The following MYT1L variants were observed in gnomAD, a reference collection of about 807,000 sequenced individuals.
MYT1L encodes myelin transcription factor 1 like.
In MYT1L, 12 loss-of-function variants were observed where a neutral mutation model predicts 126.7. That is an observed-to-expected ratio of 0.09 (90% CI 0.06 to 0.15). The LOEUF (loss-of-function observed/expected upper bound fraction) is 0.15. Ranked by LOEUF, MYT1L falls within the 10% of genes least tolerant of loss-of-function variation. The pLI is 1.00. For missense variants in MYT1L, 979 were observed against 1,585.2 expected (o/e 0.62, Z 6.49); for synonymous variants, 541 against 604.2 (o/e 0.90, Z 1.53).
At chr2:2,233,089 G>A (rs2094198697) in intron 2 of MYT1L, among the ~76,000 whole-genome samples, 1 of 152,228 alleles carries the variant, frequency 6.6e-6, no homozygotes, top group African/African-American at 2.4e-5. Context: ...TTCCCTGAAG[G>A]TAGCAGGTGC....
At chr2:1,864,019 GC>G (rs1231732232) in intron 18 of MYT1L, among the ~76,000 whole-genome samples, 1 of 152,202 alleles carries the variant, frequency 6.6e-6, no homozygotes, top group Non-Finnish European at 1.5e-5. Context: ...TCACAAGGTG[GC>G]TGGATGGGCG....
intron 2 of MYT1L, among the ~76,000 whole-genome samples, chr2:2,221,323 C>A (rs769931570): frequency 2.6e-5 from 4 of 152,126 alleles, no homozygotes; most frequent in Admixed American, 6.5e-5. Flanking sequence ...TGAGTCTGTG[C>A]ACCTCTTGGA....
chr2:2,070,075 G>A (rs1158570863), intron 3 of MYT1L, among the ~76,000 whole-genome samples: 2 of 151,384 alleles, frequency 1.3e-5, no homozygotes, highest in African/African-American at 4.9e-5. Flanking sequence ...AAATATATTC[G>A]GTTTTTATTT....
chr2:1,920,424 C>T lies in MYT1L; in HGVS notation c.1483+1862G>A, dbSNP rs530033789. Among the ~76,000 whole-genome samples, 15 of 152,344 alleles carry T rather than the reference C, an allele frequency of 9.8e-5. No individual in the cohort carries two copies. The South Asian group carries it at 3.1e-3, about 32-fold the overall frequency. Reference sequence around the variant, plus strand: ...ATTTGCAAAAAGCTCAATCTGCCTTCTCTTGACACAGCACACCCTCCATTA... The same window carrying T: ...ATTTGCAAAAAGCTCAATCTGCCTTTTCTTGACACAGCACACCCTCCATTA... On this transcript the variant is annotated intron_variant, in intron 10 of 24. Coordinates refer to ENST00000647738, the MANE Select transcript of MYT1L (RefSeq NM_001303052.2).
At chr2:2,102,206 G>A (rs1456335649) in intron 3 of MYT1L, among the ~76,000 whole-genome samples, 2 of 152,020 alleles carry the variant, frequency 1.3e-5, no homozygotes, top group Non-Finnish European at 2.9e-5. Context: ...ATATGTTTTG[G>A]CAAGATACTG....
At chr2:1,893,927 G>C (rs2049247181) in intron 14 of MYT1L, among the ~76,000 whole-genome samples, 1 of 152,150 alleles carries the variant, frequency 6.6e-6, no homozygotes, top group South Asian at 2.1e-4. Context: ...GGAAGACTGA[G>C]GACAGTGCCC....
At chr2:2,163,154 G>A (rs1377756341) in intron 3 of MYT1L, among the ~76,000 whole-genome samples, 2 of 152,084 alleles carry the variant, frequency 1.3e-5, no homozygotes, top group Non-Finnish European at 2.9e-5. Context: ...CCCTAAATGA[G>A]CATTGTTTAA....
chr2:1,856,009 A>G (rs941616816), intron 18 of MYT1L, among the ~76,000 whole-genome samples: 1 of 152,254 alleles, frequency 6.6e-6, no homozygotes, highest in African/African-American at 2.4e-5. Flanking sequence ...TGGAAAAATC[A>G]TAATAAAATA....
chr2:2,121,103 T>C (rs375937706), intron 3 of MYT1L, among the ~76,000 whole-genome samples: 1 of 152,218 alleles, frequency 6.6e-6, no homozygotes. Flanking sequence ...CATTTTATAG[T>C]GCAACTCTTT....
At chr2:2,060,716 C>A (rs1222487936) in intron 3 of MYT1L, among the ~76,000 whole-genome samples, 6 of 109,486 alleles carry the variant, frequency 5.5e-5, no homozygotes, top group Non-Finnish European at 1.0e-4. Context: ...TCCCTTCCCT[C>A]CCCCCTCCCT....
Position 1,791,286 on chromosome 2 carries a change from C to A in MYT1L, c.*581G>T. ...TCCTAAAACAAACAAACAAAAAAGT[C>A]ACATAATATTTCCAAGCATTGTTCA... is the stretch of plus-strand genomic sequence containing the variant. On this transcript the variant is annotated 3_prime_UTR_variant, in exon 25 of 25. Transcript: ENST00000647738. This position sits in a 1 kb window ranked among gnomAD's most constrained non-coding sequence, Gnocchi z 6.0. The A allele has an allele frequency of 2.1e-6, 1 of 465,958 alleles. No homozygotes were observed. The allele number at this position is 465,958 out of a possible 1,614,324, so 28.9% of individuals were successfully genotyped here.
intron 9 of MYT1L, among the ~76,000 whole-genome samples, chr2:1,942,256 T>C (rs185303551): frequency 6.6e-6 from 1 of 152,278 alleles, no homozygotes; most frequent in East Asian, 1.9e-4. Context: ...AGTTCTGAAG[T>C]GGTATTGTGC....
intron 1 of MYT1L, among the ~76,000 whole-genome samples, chr2:2,305,775 A>G (rs896707844): frequency 6.6e-6 from 1 of 152,108 alleles, no homozygotes; most frequent in African/African-American, 2.4e-5. Context: ...GTGAAGTGGG[A>G]AGTGTGGCCC....
In MYT1L at chr2:1,977,198, G is replaced by A. The variant is rs527471477; in HGVS notation, c.152+1967C>T. The stretch of plus-strand genomic sequence containing the variant: ...TCCATGACTCCTCCCTAACATCCCA[G>A]CGAATGGGTTCCTCTGAGACTCAGG... On this transcript the variant is annotated intron_variant, in intron 8 of 24. Coordinates refer to ENST00000647738, the MANE Select transcript of MYT1L (RefSeq NM_001303052.2). Among the ~76,000 whole-genome samples, 4 of 152,282 alleles carry A rather than the reference G, an allele frequency of 2.6e-5. No individual in the cohort carries two copies. The South Asian group carries it at 8.3e-4, about 32-fold the overall frequency.
chr2:1,875,433 G>A (rs142984777), intron 18 of MYT1L, among the ~76,000 whole-genome samples: 2 of 152,330 alleles, frequency 1.3e-5, no homozygotes, highest in Non-Finnish European at 2.9e-5. Flanking sequence ...ATTTTAAATG[G>A]TTGCTTTAAG....
At chr2:2,149,317 A>G (rs2085373010) in intron 3 of MYT1L, among the ~76,000 whole-genome samples, 1 of 152,244 alleles carries the variant, frequency 6.6e-6, no homozygotes, top group Non-Finnish European at 1.5e-5. Flanking sequence ...TGCTGCATAT[A>G]TAAACACCAA....
intron 3 of MYT1L, among the ~76,000 whole-genome samples, chr2:2,100,270 G>A (rs1043761032): frequency 2.6e-5 from 4 of 152,130 alleles, no homozygotes; most frequent in Admixed American, 1.3e-4. Context: ...CACCAGTGAG[G>A]GTGGGATCAT....
Position 1,889,291 on chromosome 2 carries a change from T to C in MYT1L, c.2470A>G (p.Thr824Ala). 1 of 1,613,956 alleles carries C rather than the reference T, an allele frequency of 6.2e-7. No homozygotes were observed. Among genetic ancestry groups the C allele is most frequent in the Non-Finnish European group, 8.5e-7 (1 of 1,179,904 alleles). ...GDCWDLPVDY[T>A]KMKPRRIDED... ...TCTATCCTCCGGGGTTTCATTTTGG[T>C]GTAGTCTACGGGCAAGTCCCAGCAG... The change falls in exon 16 of 25, where the codon ACC becomes GCC. Residue 824 changes from threonine (T) to alanine (A), a missense_variant. Physicochemically the swap from Thr to Ala is moderately conservative, Grantham distance 58. Coordinates refer to ENST00000647738, the MANE Select transcript of MYT1L (RefSeq NM_001303052.2). This position sits in a 1 kb window ranked among gnomAD's most constrained non-coding sequence, Gnocchi z 4.1.
chr2:1,835,785 G>C (rs1194792668), intron 21 of MYT1L, among the ~76,000 whole-genome samples: 1 of 152,168 alleles, frequency 6.6e-6, no homozygotes, highest in Non-Finnish European at 1.5e-5. Context: ...GAGTTCTGAT[G>C]GTGCCTTTTA....
Sources: allele counts gnomAD v4.1 joint callset (sites outside exome capture counted in the v4.1 genomes callset), GRCh38; gene constraint gnomAD v4.1.1; non-coding constraint Gnocchi (gnomAD v3.1); transcripts MANE v1.5; gene names NCBI Gene and HGNC (gene_info 2026-07-23, HGNC 2026-07-21).